Variants in HHAT observed in about 807,000 individuals in gnomAD.
The protein encoded by HHAT is hedgehog acyltransferase.
A neutral mutation model predicts 70.8 loss-of-function variants in HHAT; 47 were observed. The ratio of observed to expected loss-of-function variants is 0.66; its 90% CI spans 0.53 to 0.85. The LOEUF is 0.85. HHAT is among the 40% of genes least tolerant of loss of function. The pLI is 0.00. For synonymous variants in HHAT, 228 were observed against 247.6 expected, an observed-to-expected ratio of 0.92 and a Z score of 0.74; for missense variants, 609 against 604.8, an observed-to-expected ratio of 1.01 and a Z score of -0.07.
At chr1:210,618,386 C>T (rs1668177792) in intron 10 of HHAT, among the ~76,000 whole-genome samples, 1 of 152,184 alleles carries the variant, frequency 6.6e-6, no homozygotes, top group South Asian at 2.1e-4. Context: ...CTTTTTCATC[C>T]TCTCTTACCC....
intron 9 of HHAT, among the ~76,000 whole-genome samples, chr1:210,534,453 G>A (rs151065849): frequency 2.0e-5 from 3 of 151,880 alleles, no homozygotes; most frequent in Admixed American, 6.6e-5. Context: ...TCCCACCCAC[G>A]TCCTGTACAT....
chr1:210,608,891 C>T (rs1666038750), intron 10 of HHAT, among the ~76,000 whole-genome samples: 1 of 152,018 alleles, frequency 6.6e-6, no homozygotes, highest in African/African-American at 2.4e-5. Flanking sequence ...CTGGGGAGGC[C>T]TCAGGAAACT....
intron 10 of HHAT, chr1:210,589,212 A>G (rs1573548835): frequency 6.6e-6 from 1 of 152,270 alleles, no homozygotes; most frequent in Non-Finnish European, 1.5e-5. Context: ...CTGTCAAAAC[A>G]GAATACATTT....
At chr1:210,362,245 TTTTTTC>T (rs540712966) in intron 2 of HHAT, among the ~76,000 whole-genome samples, 16,222 of 150,416 alleles carry the variant, frequency 0.11, 977 homozygotes, top group East Asian at 0.25. Context: ...TCTTTTTTTT[TTTTTTC>T]TTTTCTTTTT....
intron 6 of HHAT, among the ~76,000 whole-genome samples, chr1:210,410,277 C>T (rs1053142509): frequency 2.6e-5 from 4 of 151,418 alleles, no homozygotes; most frequent in East Asian, 2.0e-4. Context: ...AGAATGGTCT[C>T]GATCTCCTGA....
intron 9 of HHAT, among the ~76,000 whole-genome samples, chr1:210,545,131 C>T (rs946622785): frequency 3.3e-5 from 5 of 151,846 alleles, no homozygotes; most frequent in African/African-American, 1.2e-4. Context: ...GCTTAAAATA[C>T]TCCAGTGATT....
intron 3 of HHAT, among the ~76,000 whole-genome samples, chr1:210,371,085 G>A (rs1321117966): frequency 2.6e-5 from 4 of 152,118 alleles, no homozygotes; most frequent in African/African-American, 7.2e-5. Flanking sequence ...GTAAAGAGCC[G>A]GCATTCTTTG....
intron 1 of HHAT, among the ~76,000 whole-genome samples, chr1:210,332,156 C>A (rs1466896024): frequency 1.3e-5 from 2 of 152,214 alleles, no homozygotes; most frequent in African/African-American, 2.4e-5. Context: ...TGCATAGACT[C>A]ACATTCAGAA....
intron 5 of HHAT, among the ~76,000 whole-genome samples, chr1:210,400,884 G>GC (rs2092036855): frequency 6.6e-6 from 1 of 152,226 alleles, no homozygotes; most frequent in African/African-American, 2.4e-5. Context: ...CCCAGGGCTG[G>GC]CCCTGTACCA....
intron 10 of HHAT, among the ~76,000 whole-genome samples, chr1:210,616,766 T>C (rs573771155): frequency 9.8e-5 from 15 of 152,356 alleles, no homozygotes; most frequent in African/African-American, 3.6e-4. Flanking sequence ...CACTTATCGG[T>C]ATATAATTCA....
chr1:210,337,774 C>G (rs2085632895), intron 1 of HHAT, among the ~76,000 whole-genome samples: 1 of 152,232 alleles, frequency 6.6e-6, no homozygotes, highest in African/African-American at 2.4e-5. Flanking sequence ...CTGTGTAAGG[C>G]AACATAGTCA....
chr1:210,487,838 A>C (rs1192485675), intron 8 of HHAT, among the ~76,000 whole-genome samples: 2 of 152,224 alleles, frequency 1.3e-5, no homozygotes, highest in African/African-American at 4.8e-5. Flanking sequence ...GAAAGCTACC[A>C]AGAGACAGCT....
intron 9 of HHAT, among the ~76,000 whole-genome samples, chr1:210,554,634 A>G (rs192460766): frequency 5.3e-5 from 8 of 152,240 alleles, no homozygotes; most frequent in Admixed American, 1.3e-4. Context: ...TAAGCCCGTA[A>G]AAGTGCTAAG....
At chr1:210,550,465 C>T (rs1185911917) in intron 9 of HHAT, among the ~76,000 whole-genome samples, 7 of 148,948 alleles carry the variant, frequency 4.7e-5, no homozygotes, top group Non-Finnish European at 1.0e-4. Context: ...ATAATACCTA[C>T]TTCAGGACTG....
intron 7 of HHAT, among the ~76,000 whole-genome samples, chr1:210,433,736 C>T (rs1019035695): frequency 6.6e-6 from 1 of 151,880 alleles, no homozygotes; most frequent in African/African-American, 2.4e-5. Flanking sequence ...ATTTATTTTT[C>T]TCTCTTTTCA....
intron 11 of HHAT, among the ~76,000 whole-genome samples, chr1:210,654,503 A>C (rs1574030139): frequency 6.6e-6 from 1 of 152,244 alleles, no homozygotes; most frequent in East Asian, 1.9e-4. Context: ...TCATTCATTA[A>C]CATCAGGAAA....
chr1:210,498,071 G>A (rs554398860), intron 8 of HHAT, among the ~76,000 whole-genome samples: 1 of 151,908 alleles, frequency 6.6e-6, no homozygotes, highest in African/African-American at 2.4e-5. Context: ...TTTTATTTAT[G>A]TATCAGTTGA....
chr1:210,334,302 T>A (rs1448484528), intron 1 of HHAT, among the ~76,000 whole-genome samples: 5 of 150,960 alleles, frequency 3.3e-5, no homozygotes, highest in African/African-American at 1.2e-4. Flanking sequence ...GCTACTGGCA[T>A]GCAACACCAT....
intron 7 of HHAT, among the ~76,000 whole-genome samples, chr1:210,423,875 T>G (rs2092978019): frequency 6.6e-6 from 1 of 152,198 alleles, no homozygotes; most frequent in Non-Finnish European, 1.5e-5. Context: ...TTCTGGATTC[T>G]CTATTCTTTT....
Sources: gnomAD v4.1 joint callset for allele counts (sites outside exome capture counted in the v4.1 genomes callset) on GRCh38, gnomAD v4.1.1 for gene constraint, MANE v1.5 for transcripts, NCBI Gene and HGNC (gene_info 2026-07-23, HGNC 2026-07-21) for gene names.